PKHD1: variants seen among roughly 807,000 people sequenced by gnomAD.
PKHD1 encodes PKHD1 ciliary IPT domain containing fibrocystin/polyductin, also known as fibrocystin.
Under a neutral mutation model 412.0 loss-of-function variants are expected in PKHD1, and 291 were observed. That is an observed-to-expected ratio of 0.71 (90% CI 0.64 to 0.78). PKHD1 has a LOEUF of 0.78. Among genes scored for constraint, PKHD1 ranks in the 30% least tolerant of loss-of-function variants. PKHD1 has a pLI of 0.00. For missense variants in PKHD1, 4,825 were observed against 4,950.7 expected (o/e 0.97, Z 0.76); for synonymous variants, 1,777 against 1,821.5 (o/e 0.98, Z 0.62).
chr6:51,860,186 G>A (rs75203473), intron 48 of PKHD1, among the ~76,000 whole-genome samples: 2,800 of 152,200 alleles, frequency 0.018, 64 homozygotes, highest in East Asian at 0.058. Flanking sequence ...AGGAGAGAGG[G>A]TCATATGGTA....
intron 46 of PKHD1, among the ~76,000 whole-genome samples, chr6:51,872,899 T>TTA (rs61420007): frequency 2.2e-5 from 2 of 91,356 alleles, no homozygotes; most frequent in East Asian, 8.2e-4. Context: ...TTTTTTTTTT[T>TTA]CAGAAAGTTA....
chr6:51,753,681 A>T (rs1582472347), intron 56 of PKHD1, among the ~76,000 whole-genome samples: 1 of 152,182 alleles, frequency 6.6e-6, no homozygotes, highest in Non-Finnish European at 1.5e-5. Context: ...ACCTGCCTTA[A>T]ATAGGTCAGC....
chr6:51,919,262 G>A (rs1784308826), intron 37 of PKHD1, among the ~76,000 whole-genome samples: 1 of 152,140 alleles, frequency 6.6e-6, no homozygotes, highest in Admixed American at 6.5e-5. Flanking sequence ...ATGGTTTTAG[G>A]TCTAACATTT....
intron 6 of PKHD1, among the ~76,000 whole-genome samples, chr6:52,074,703 C>T (rs1275387415): frequency 1.3e-5 from 2 of 152,198 alleles, no homozygotes; most frequent in South Asian, 2.1e-4. Flanking sequence ...CTGCTAACCA[C>T]GTATAGAAAC....
intron 35 of PKHD1, among the ~76,000 whole-genome samples, chr6:52,007,740 C>T (rs1799273542): frequency 6.6e-6 from 1 of 152,190 alleles, no homozygotes. Flanking sequence ...CCAAACCACC[C>T]TAACAAGAGT....
intron 61 of PKHD1, among the ~76,000 whole-genome samples, chr6:51,657,949 C>T (rs1027453219): frequency 5.9e-5 from 9 of 151,984 alleles, no homozygotes; most frequent in African/African-American, 1.9e-4. Context: ...TCTCTCTAGA[C>T]AAAAATTATT....
chr6:51,618,946 G>A lies in PKHD1; in HGVS notation c.*135C>T. ...TTATATGACTGTTTTCCATTTTAAAGTTGAAAAAGGGATTCAGAGTCCACA... is the reference window on the plus strand; with the variant it reads ...TTATATGACTGTTTTCCATTTTAAAATTGAAAAAGGGATTCAGAGTCCACA... On this transcript the variant is annotated 3_prime_UTR_variant, in exon 67 of 67. Transcript: ENST00000371117. 1.2e-6 allele frequency: 1 copy of A among 834,868 alleles called. No individual in the cohort carries two copies. The highest frequency in any genetic ancestry group is 2.0e-6 in the Non-Finnish European group (1 of 494,698). 51.7% of individuals were successfully genotyped at this position (834,868 alleles called of 1,614,324 possible).
Position 52,053,105 on chromosome 6 carries a change from T to G in PKHD1, c.2111A>C (p.Glu704Ala), listed in dbSNP as rs533610977. ...TACGTTTGTGTCTGCAATAATAATT[T>G]CATCCACATAGAACAGGCCCGTCTC... Reference protein sequence around the residue: ...AQETGLFYVDEIIIADTNVTV... With the variant: ...AQETGLFYVDAIIIADTNVTV... The change falls in exon 21 of 67, where the codon GAA becomes GCA. Residue 704 changes from glutamate to alanine, a missense_variant. Transcript: ENST00000371117. 6.2e-7 allele frequency: 1 copy of G among 1,614,148 alleles called. No homozygotes were observed. Among genetic ancestry groups the G allele is most frequent in the South Asian group, 1.1e-5 (1 of 91,078 alleles).
Position 52,079,992 on chromosome 6 carries a change from C to T in PKHD1, c.298G>A (p.Ala100Thr), listed in dbSNP as rs1811818333. Residue 100 changes from alanine (A) to threonine (T), a missense_variant, in exon 5 of 67, where the codon GCA (alanine) becomes ACA (threonine). Transcript: ENST00000371117. ...TCCAGGAAGTACAGACCCTCATGTG[C>T]TTCAGACAGCACAGATCTGAGGACA... The part of the protein sequence containing the change: ...TCRTRSVLSE[A>T]HEGLYFLEAY... 3.1e-6 allele frequency: 5 copies of T among 1,601,170 alleles called. No individual in the cohort carries two copies. Among genetic ancestry groups the T allele is most frequent in the Non-Finnish European group, 4.3e-6 (5 of 1,168,350 alleles).
chr6:51,731,109 A>C (rs1390123023), intron 60 of PKHD1, among the ~76,000 whole-genome samples: 5 of 152,160 alleles, frequency 3.3e-5, no homozygotes, highest in African/African-American at 4.8e-5. Context: ...AAATTTTTCA[A>C]TACTATTGTA....
chr6:51,706,808 T>C (rs1482406491), intron 60 of PKHD1, among the ~76,000 whole-genome samples: 1 of 152,170 alleles, frequency 6.6e-6, no homozygotes, highest in East Asian at 1.9e-4. Flanking sequence ...TTAGCTTTTA[T>C]ATGTGAGGTT....
In PKHD1 at chr6:52,085,015, G is replaced by A; in HGVS notation, c.-82C>T. On this transcript the variant is annotated splice_region_variant and 5_prime_UTR_variant, in exon 2 of 67. Transcript: ENST00000371117. ...TTTTGATTGGAGCAGCATAGCTTTTGTGCTTTATAAAAACAAAAAAAGCAA... is the reference window on the plus strand; with the variant it reads ...TTTTGATTGGAGCAGCATAGCTTTTATGCTTTATAAAAACAAAAAAAGCAA... 2.1e-6 allele frequency: 2 copies of A among 962,464 alleles called. No homozygotes were observed. The highest frequency in any genetic ancestry group is 1.3e-5 in the South Asian group (1 of 75,526). The allele number at this position is 962,464 out of a possible 1,614,324, so 59.6% of individuals were successfully genotyped here.
At chr6:51,660,442 G>C (rs1047647501) in intron 60 of PKHD1, among the ~76,000 whole-genome samples, 1 of 152,014 alleles carries the variant, frequency 6.6e-6, no homozygotes, top group African/African-American at 2.4e-5. Context: ...ACCAAATTCT[G>C]ATACTAAACA....
intron 35 of PKHD1, among the ~76,000 whole-genome samples, chr6:51,971,983 C>T (rs1562020883): frequency 1.3e-5 from 2 of 152,054 alleles, no homozygotes; most frequent in Non-Finnish European, 1.5e-5. Flanking sequence ...CCGTCCAGCT[C>T]GGCCTCCCAA....
chr6:51,720,176 A>G (rs1316711081), intron 60 of PKHD1, among the ~76,000 whole-genome samples: 1 of 152,222 alleles, frequency 6.6e-6, no homozygotes, highest in Non-Finnish European at 1.5e-5. Flanking sequence ...CACTGCTACC[A>G]GAGTAATCAA....
At chr6:51,762,763 T>C (rs1270791633) in intron 55 of PKHD1, among the ~76,000 whole-genome samples, 1 of 151,958 alleles carries the variant, frequency 6.6e-6, no homozygotes, top group Non-Finnish European at 1.5e-5. Context: ...ACTTATTGAA[T>C]TGACTTTTAA....
At position 52,017,378 on chromosome 6, in the gene PKHD1, G is replaced by C. The variant is rs376640814; in HGVS notation, c.5600+32C>G. On this transcript the variant is annotated intron_variant, in intron 34 of 66. Transcript: ENST00000371117. ...TCGGTCCATTGGCCAAGCATTTGTG[G>C]GGAAGTTCAGGGAGGGAGAAGGTAA... 768 of 1,445,614 alleles carry C rather than the reference G, an allele frequency of 5.3e-4. 1 individual carries two copies. Among genetic ancestry groups the C allele is most frequent in the Non-Finnish European group, 6.3e-4 (651 of 1,026,350 alleles). The allele number at this position is 1,445,614 out of a possible 1,614,324, so 89.5% of individuals were successfully genotyped here. A position where few individuals can be genotyped will look rare whatever the true frequency, so the allele number is the denominator to read the frequency against.
In PKHD1 at chr6:51,830,936, G is replaced by C. The variant is rs768391202; in HGVS notation, c.8227C>G (p.Gln2743Glu). 1.2e-6 allele frequency: 2 copies of C among 1,611,456 alleles called. No homozygotes were observed. Among genetic ancestry groups the C allele is most frequent in the Non-Finnish European group, 1.7e-6 (2 of 1,177,870 alleles). ...ALKWSLPETWQGVEEGWGGYN... is the reference protein window; with the variant it reads ...ALKWSLPETWEGVEEGWGGYN... ...CCTCCCCAGCCTTCTTCAACACCTT[G>C]CCATGTTTCAGGGAGGGACCATTTT... The change falls in exon 52 of 67, where the codon CAA (glutamine) becomes GAA (glutamate). Residue 2743 changes from glutamine to glutamate, a missense_variant. By Grantham distance (29) the Gln-to-Glu change is conservative. Transcript: ENST00000371117.
In PKHD1 at chr6:52,065,961, T is replaced by C; in HGVS notation, c.880+15A>G. 8.1e-7 allele frequency: 1 copy of C among 1,231,760 alleles called. No individual in the cohort carries two copies. The highest frequency in any genetic ancestry group is 1.5e-5 in the African/African-American group (1 of 67,664). The allele number at this position is 1,231,760 out of a possible 1,614,324, so 76.3% of individuals were successfully genotyped here. A position where few individuals can be genotyped will look rare whatever the true frequency, so the allele number is the denominator to read the frequency against. ...TAAAACTATGAACTATTTTCAGCCA[T>C]TTCATCATAGTTACCTGCAATGGTA... On this transcript the variant is annotated intron_variant, in intron 12 of 66. Transcript: ENST00000371117.
Sources: allele counts gnomAD v4.1 joint callset (sites outside exome capture counted in the v4.1 genomes callset), GRCh38; gene constraint gnomAD v4.1.1; transcripts MANE v1.5; gene names NCBI Gene and HGNC (gene_info 2026-07-23, HGNC 2026-07-21).